Variants in CALN1 observed in about 807,000 individuals in gnomAD.
CALN1 encodes the protein calneuron 1.
A neutral mutation model predicts 30.6 loss-of-function variants in CALN1; 17 were observed. The ratio of observed to expected loss-of-function variants is 0.56; its 90% confidence interval spans 0.38 to 0.83. The LOEUF is 0.83. Among genes scored for constraint, CALN1 ranks in the 40% least tolerant of loss-of-function variants. The pLI is 0.00. For synonymous variants in CALN1, 156 were observed against 131.4 expected (o/e 1.19, Z -1.28); for missense variants, 291 against 354.9 (o/e 0.82, Z 1.45).
In CALN1 at chr7:71,781,917, T is replaced by G. The variant is rs1368096839; in HGVS notation, c.*5858A>C. On this transcript the variant is annotated 3_prime_UTR_variant, in exon 7 of 7. Coordinates refer to ENST00000395275, the MANE Select transcript of CALN1 (RefSeq NM_031468.4). ...GAAAAACCTCATTCTTTGTGATATA[T>G]TTCCAGTCAACGGAATAAAATTAAT... The G allele has an allele frequency of 1.3e-5, 2 of 152,192 alleles. No individual in the cohort carries two copies. Among genetic ancestry groups the G allele is most frequent in the Non-Finnish European group, 2.9e-5 (2 of 68,060 alleles). The allele number at this position is 152,192 out of a possible 1,614,324, so 9.4% of individuals were successfully genotyped here. A position where few individuals can be genotyped will look rare whatever the true frequency, so the allele number is the denominator to read the frequency against.
At chr7:71,840,348 A>G (rs1176189142) in intron 5 of CALN1, among the ~76,000 whole-genome samples, 2 of 151,972 alleles carry the variant, frequency 1.3e-5, no homozygotes, top group Non-Finnish European at 1.5e-5. Context: ...AGCCGAGCAC[A>G]GTGGTGTGCA....
In CALN1 at chr7:72,296,152, T is replaced by C. The variant is rs1339475662; in HGVS notation, c.120-17342A>G. On this transcript the variant is annotated intron_variant, in intron 2 of 6. Coordinates refer to ENST00000395275, the MANE Select transcript of CALN1 (RefSeq NM_031468.4). ...GTTTTTGTCTTTGGCTCTGTTTATATGCTGGATTACATTTACTGATTTGCG... is the reference window on the plus strand; with the variant it reads ...GTTTTTGTCTTTGGCTCTGTTTATACGCTGGATTACATTTACTGATTTGCG... Among the ~76,000 whole-genome samples the C allele has an allele frequency of 3.3e-5, 5 of 151,944 alleles. No individual in the cohort carries two copies. In the East Asian group the frequency reaches 9.6e-4, roughly 29 times the overall value.
intron 2 of CALN1, among the ~76,000 whole-genome samples, chr7:72,301,609 T>TTA (rs1799265372): frequency 5.5e-4 from 3 of 5,462 alleles, no homozygotes; most frequent in South Asian, 6.6e-3. Flanking sequence ...ACTTTGTCTC[T>TTA]CAAAAAAAAA....
chr7:72,030,474 A>G (rs1801364522), intron 4 of CALN1, among the ~76,000 whole-genome samples: 1 of 152,176 alleles, frequency 6.6e-6, no homozygotes, highest in Non-Finnish European at 1.5e-5. Flanking sequence ...TCTTTACCAG[A>G]TTTTAATTTA....
chr7:72,192,625 TTTATTA>T (rs140672013), intron 3 of CALN1, among the ~76,000 whole-genome samples: 5,487 of 143,708 alleles, frequency 0.038, 117 homozygotes, highest in Middle Eastern at 0.047. Context: ...TCCCATTTCT[TTTATTA>T]TTATTATTAT....
intron 4 of CALN1, among the ~76,000 whole-genome samples, chr7:72,072,295 C>A (rs1804452617): frequency 1.3e-5 from 2 of 152,070 alleles, no homozygotes; most frequent in Non-Finnish European, 1.5e-5. Flanking sequence ...ACACAAATTC[C>A]CCAACATGAG....
At chr7:72,488,300 A>T in the CALN1 span, among the ~76,000 whole-genome samples, 1 of 151,956 alleles carries the variant, frequency 6.6e-6, no homozygotes, top group South Asian at 2.1e-4. Flanking sequence ...GAGCCCAGGA[A>T]GTTGAGGCTG....
intron 5 of CALN1, among the ~76,000 whole-genome samples, chr7:71,968,339 A>G (rs1797627665): frequency 6.6e-6 from 1 of 152,220 alleles, no homozygotes; most frequent in Admixed American, 6.5e-5. Flanking sequence ...ATGCAAAACT[A>G]CAAGAAGTGA....
chr7:72,297,385 C>T (rs1326561345), intron 2 of CALN1, among the ~76,000 whole-genome samples: 1 of 152,006 alleles, frequency 6.6e-6, no homozygotes, highest in African/African-American at 2.4e-5. Context: ...CAGAACAAAA[C>T]CAATAAACAA....
intron 3 of CALN1, among the ~76,000 whole-genome samples, chr7:72,134,350 A>G (rs370618765): frequency 6.6e-6 from 1 of 152,226 alleles, no homozygotes; most frequent in Non-Finnish European, 1.5e-5. Flanking sequence ...CTGAGACACT[A>G]AACAAAACAC....
At chr7:72,375,934 A>G (rs546234580) in intron 2 of CALN1, among the ~76,000 whole-genome samples, 27 of 152,152 alleles carry the variant, frequency 1.8e-4, no homozygotes, top group Non-Finnish European at 3.8e-4. Flanking sequence ...TCCCCATCCC[A>G]AACACTTATC....
chr7:72,481,097 C>T, the CALN1 span, among the ~76,000 whole-genome samples: 8 of 152,142 alleles, frequency 5.3e-5, no homozygotes, highest in South Asian at 2.1e-4. Flanking sequence ...GAATTACAGG[C>T]GCAGGCCACC....
chr7:72,028,139 A>G (rs1424849350), intron 4 of CALN1, among the ~76,000 whole-genome samples: 1 of 151,632 alleles, frequency 6.6e-6, no homozygotes, highest in Non-Finnish European at 1.5e-5. Flanking sequence ...ACCGTGATAT[A>G]ATGGGCACCA....
At chr7:72,118,013 A>C (rs958020285) in intron 3 of CALN1, among the ~76,000 whole-genome samples, 1 of 151,872 alleles carries the variant, frequency 6.6e-6, no homozygotes, top group African/African-American at 2.4e-5. Context: ...AACAGACAGC[A>C]GGCAGTGTTG....
intron 2 of CALN1, among the ~76,000 whole-genome samples, chr7:72,329,294 T>C (rs1296856986): frequency 1.3e-5 from 2 of 152,232 alleles, no homozygotes; most frequent in Admixed American, 1.3e-4. Context: ...TACACTCTGA[T>C]GGATAAAGAC....
chr7:71,846,893 GTA>G (rs1186673165), intron 5 of CALN1, among the ~76,000 whole-genome samples: 1 of 142,852 alleles, frequency 7.0e-6, no homozygotes, highest in South Asian at 2.1e-4. Context: ...ACACATATAT[GTA>G]TATATAATAT....
At chr7:72,220,984 T>G (rs1351991661) in intron 3 of CALN1, among the ~76,000 whole-genome samples, 2 of 143,998 alleles carry the variant, frequency 1.4e-5, no homozygotes, top group African/African-American at 2.4e-5. Context: ...TTTCTCCCAT[T>G]TTGTAGGTTG....
At chr7:72,138,747 A>G (rs1809678440) in intron 3 of CALN1, among the ~76,000 whole-genome samples, 1 of 152,222 alleles carries the variant, frequency 6.6e-6, no homozygotes, top group African/African-American at 2.4e-5. Context: ...AGCACATGAA[A>G]GAACCATTGG....
At chr7:72,391,512 CT>C (rs1805577496) in intron 2 of CALN1, among the ~76,000 whole-genome samples, 1 of 152,120 alleles carries the variant, frequency 6.6e-6, no homozygotes, top group South Asian at 2.1e-4. Context: ...AATATGGCCC[CT>C]GATATAATTT....
Sources: gnomAD v4.1 joint callset for allele counts (sites outside exome capture counted in the v4.1 genomes callset) on GRCh38, gnomAD v4.1.1 for gene constraint, MANE v1.5 for transcripts, NCBI Gene and HGNC (gene_info 2026-07-23, HGNC 2026-07-21) for gene names.